The following NUP93 variants were observed in gnomAD, a reference collection of about 807,000 sequenced individuals.
The protein encoded by NUP93 is nucleoporin 93.
Under a neutral mutation model 107.8 loss-of-function variants are expected in NUP93, and 55 were observed. The observed-to-expected ratio is 0.51, with a 90% CI of 0.41 to 0.64. NUP93 has a LOEUF of 0.64. Among genes scored for constraint, NUP93 ranks in the 30% least tolerant of loss-of-function variants. NUP93 has a pLI of 0.00. For missense variants in NUP93, 937 were observed against 1,044.7 expected (o/e 0.90, Z 1.42); for synonymous variants, 390 against 397.5 (o/e 0.98, Z 0.22).
At chr16:56,802,689 C>G (rs1271516174) in intron 4 of NUP93, among the ~76,000 whole-genome samples, 2 of 152,188 alleles carry the variant, frequency 1.3e-5, no homozygotes, top group Non-Finnish European at 2.9e-5. Context: ...TGTGATTTTT[C>G]TAACAGTTCC....
intron 3 of NUP93, among the ~76,000 whole-genome samples, chr16:56,793,574 G>A (rs1273147864): frequency 6.6e-6 from 1 of 152,100 alleles, no homozygotes; most frequent in Admixed American, 6.5e-5. Flanking sequence ...CATGAGAGGC[G>A]TATCACAGGA....
intron 6 of NUP93, among the ~76,000 whole-genome samples, chr16:56,821,215 C>A (rs1213585874): frequency 6.6e-6 from 1 of 152,170 alleles, no homozygotes; most frequent in Non-Finnish European, 1.5e-5. Flanking sequence ...TCCTGTCTTC[C>A]CCTGGGTGCT....
At chr16:56,817,818 T>A (rs1424885319) in intron 5 of NUP93, among the ~76,000 whole-genome samples, 1 of 152,234 alleles carries the variant, frequency 6.6e-6, no homozygotes, top group South Asian at 2.1e-4. Context: ...TATAGTAATA[T>A]GTTGTACAGG....
intron 1 of NUP93, among the ~76,000 whole-genome samples, chr16:56,747,037 G>A (rs541815491): frequency 6.8e-6 from 1 of 146,170 alleles, no homozygotes; most frequent in Admixed American, 6.9e-5. Flanking sequence ...TCACTCTATT[G>A]CCCAGGCTGG....
chr16:56,801,046 T>C lies in NUP93; in HGVS notation c.360+2508T>C, dbSNP rs544774375. On this transcript the variant is annotated intron_variant, in intron 4 of 21. Transcript: ENST00000308159. ...TTCTCCACTGTTTTGTCATTTTCTG[T>C]GGATTGTTTTGCCTTCCTTTTAATT... 8.5e-5 allele frequency among the ~76,000 whole-genome samples: 13 copies of C among 152,370 alleles called. No homozygotes were observed. In the South Asian group the frequency reaches 2.5e-3, roughly 29 times the overall value.
At chr16:56,807,117 C>T (rs1175055956) in intron 5 of NUP93, among the ~76,000 whole-genome samples, 1 of 152,182 alleles carries the variant, frequency 6.6e-6, no homozygotes, top group East Asian at 1.9e-4. Context: ...TCATCTTGTG[C>T]TGCTTTCCCT....
chr16:56,754,508 G>C (rs1274969858), intron 2 of NUP93, among the ~76,000 whole-genome samples: 1 of 152,214 alleles, frequency 6.6e-6, no homozygotes, highest in Non-Finnish European at 1.5e-5. Context: ...TTACCTCCAA[G>C]ATACAATGGG....
chr16:56,772,617 G>C (rs1962342552), intron 3 of NUP93, among the ~76,000 whole-genome samples: 1 of 152,216 alleles, frequency 6.6e-6, no homozygotes, highest in African/African-American at 2.4e-5. Flanking sequence ...CTGTCTATCA[G>C]AGGTGGGCCT....
intron 5 of NUP93, among the ~76,000 whole-genome samples, chr16:56,808,874 A>C (rs1452804188): frequency 6.7e-6 from 1 of 149,464 alleles, no homozygotes; most frequent in South Asian, 2.1e-4. Flanking sequence ...TGGTTGTATC[A>C]TTCAGATATT....
chr16:56,828,710 C>T (rs1596849913), intron 8 of NUP93, among the ~76,000 whole-genome samples: 1 of 152,128 alleles, frequency 6.6e-6, no homozygotes, highest in East Asian at 1.9e-4. Flanking sequence ...TCTGTATATC[C>T]ACCCTTAATG....
At position 56,753,490 on chromosome 16, in the gene NUP93, A is replaced by G. The variant is rs79249969; in HGVS notation, c.180-5048A>G. Among the ~76,000 whole-genome samples the G allele has an allele frequency of 7.3e-3, 1,108 of 152,280 alleles. 12 individuals are homozygous for G. The highest frequency in any genetic ancestry group is 0.024 in the African/African-American group (1,001 of 41,554). On this transcript the variant is annotated intron_variant, in intron 2 of 21. Coordinates refer to ENST00000308159, the MANE Select transcript of NUP93 (RefSeq NM_014669.5). ...AGCCTTGCTACTTTGAGTGTAGTCAATGGATCAACAGCATCAGCATCAACC... is the reference window on the plus strand; with the variant it reads ...AGCCTTGCTACTTTGAGTGTAGTCAGTGGATCAACAGCATCAGCATCAACC...
At chr16:56,751,444 A>C (rs995702855) in intron 2 of NUP93, among the ~76,000 whole-genome samples, 8 of 152,200 alleles carry the variant, frequency 5.3e-5, no homozygotes, top group African/African-American at 1.9e-4. Flanking sequence ...ACCCTGTGAA[A>C]GTGTTATCTG....
intron 3 of NUP93, chr16:56,783,581 G>A (rs1027660365): frequency 1.0e-6 from 1 of 985,406 alleles, no homozygotes; most frequent in Non-Finnish European, 1.2e-6. Context: ...TGGTACAGTT[G>A]CAAATTATTT....
chr16:56,800,170 G>C (rs1265668280), intron 4 of NUP93, among the ~76,000 whole-genome samples: 1 of 152,170 alleles, frequency 6.6e-6, no homozygotes. Context: ...GTGACAGAGT[G>C]AGACTCTGTC....
At chr16:56,816,022 G>A (rs566039863) in intron 5 of NUP93, among the ~76,000 whole-genome samples, 16 of 152,330 alleles carry the variant, frequency 1.1e-4, no homozygotes, top group African/African-American at 3.8e-4. Context: ...CTGGCAGGCA[G>A]GATAGAGCAG....
At chr16:56,798,143 G>A (rs1962940464) in intron 3 of NUP93, among the ~76,000 whole-genome samples, 1 of 152,224 alleles carries the variant, frequency 6.6e-6, no homozygotes, top group Non-Finnish European at 1.5e-5. Flanking sequence ...ACTGTGACTA[G>A]CTCCATCACC....
chr16:56,831,652 G>A (rs1963788150), intron 10 of NUP93, 190 bp from the exon 11 acceptor site: 1 of 565,118 alleles, frequency 1.8e-6, no homozygotes, highest in African/African-American at 1.9e-5. Flanking sequence ...ATAGATACAG[G>A]TGCAGGTAGT....
At chr16:56,767,254 G>A (rs551218009) in intron 3 of NUP93, among the ~76,000 whole-genome samples, 19 of 152,248 alleles carry the variant, frequency 1.2e-4, no homozygotes, top group Admixed American at 2.0e-4. Context: ...GCAAAATCCT[G>A]CCTGTGCTTT....
rs376612590 is a variant in NUP93, at chr16:56,831,793, G to T, written c.1086-49G>T. The T allele has an allele frequency of 7.6e-4, 1,197 of 1,582,426 alleles. 9 individuals carry two copies. In the African/African-American group the frequency reaches 0.014, roughly 18 times the overall value. On this transcript the variant is annotated intron_variant, in intron 10 of 21. Transcript: ENST00000308159. The stretch of plus-strand genomic sequence containing the variant: ...CTGGGACGCTTTCAGATGCCCTTGA[G>T]GATTTTTATTGAGTATGTATCTATC...
Sources: allele counts gnomAD v4.1 joint callset (sites outside exome capture counted in the v4.1 genomes callset), GRCh38; gene constraint gnomAD v4.1.1; transcripts MANE v1.5; gene names NCBI Gene and HGNC (gene_info 2026-07-23, HGNC 2026-07-21).